CRIM1: variants seen among roughly 807,000 people sequenced by gnomAD.
The protein encoded by CRIM1 is cysteine rich transmembrane BMP regulator 1.
CRIM1 carries 32 observed loss-of-function variants against 116.4 expected under a neutral mutation model. The ratio of observed to expected loss-of-function variants is 0.27; its 90% CI spans 0.21 to 0.37. CRIM1 has a LOEUF of 0.37. Among genes scored for constraint, CRIM1 ranks in the 10% least tolerant of loss-of-function variants. The pLI, the probability that CRIM1 is intolerant of heterozygous loss-of-function variation, is 1.00. For missense variants in CRIM1, 1,331 were observed against 1,354.8 expected (o/e 0.98, Z 0.28); for synonymous variants, 590 against 509.2 (o/e 1.16, Z -2.13).
chr2:36,439,214 C>G (rs1235599022), intron 2 of CRIM1, among the ~76,000 whole-genome samples: 1 of 152,214 alleles, frequency 6.6e-6, no homozygotes, highest in African/African-American at 2.4e-5. Context: ...CCCATCTCAT[C>G]TCGTTCTCCA....
In CRIM1 at chr2:36,503,581, T is replaced by C. The variant is rs187040336; in HGVS notation, c.1501+4234T>C. On this transcript the variant is annotated intron_variant, in intron 8 of 16. Transcript: ENST00000280527. The stretch of plus-strand genomic sequence containing the variant: ...CCATCAGCCTGCCTCCAGTTCTTCC[T>C]GCCCTCTAAGGACACTCACACCAAC... Among the ~76,000 whole-genome samples the C allele has an allele frequency of 4.9e-3, 688 of 140,564 alleles. 5 individuals carry two copies. Among genetic ancestry groups the C allele is most frequent in the Non-Finnish European group, 8.0e-3 (518 of 64,928 alleles). 92.2% of individuals were successfully genotyped at this position (140,564 alleles called of 152,430 possible). A position where few individuals can be genotyped will look rare whatever the true frequency, so the allele number is the denominator to read the frequency against.
Position 36,359,839 on chromosome 2 carries a change from T to C in CRIM1, c.331+3216T>C, listed in dbSNP as rs116531037. Among the ~76,000 whole-genome samples the C allele has an allele frequency of 2.4e-3, 364 of 152,318 alleles. 3 individuals carry two copies. Among genetic ancestry groups the C allele is most frequent in the African/African-American group, 8.3e-3 (343 of 41,552 alleles). On this transcript the variant is annotated intron_variant, in intron 1 of 16. Coordinates refer to ENST00000280527, the MANE Select transcript of CRIM1 (RefSeq NM_016441.3). The stretch of plus-strand genomic sequence containing the variant: ...TTCTGTCAGTCTAGAAAGTGCTTTT[T>C]GGAACTTAGGAGAGTGCAGGTCTTT...
Position 36,513,566 on chromosome 2 carries a change from T to C in CRIM1, c.1791T>C (p.Ala597=), listed in dbSNP as rs138250886. Residue 597 remains alanine, a synonymous_variant, in exon 11 of 17, where the codon GCT becomes GCC. Transcript: ENST00000280527. ...CTTTTGTCTGTCCAGAGGCCTCTGC[T>C]TCAGCTGGGCCACCCATCCTGTCGG... The part of the protein sequence containing the change: ...CLICKCREAS[A]SAGPPILSGT... The C allele has an allele frequency of 9.0e-4, 1,450 of 1,614,138 alleles. 16 individuals carry two copies. Among genetic ancestry groups the C allele is most frequent in the Non-Finnish European group, 3.6e-4 (420 of 1,180,000 alleles).
intron 13 of CRIM1, among the ~76,000 whole-genome samples, chr2:36,528,660 C>T (rs1040875800): frequency 2.0e-5 from 3 of 152,144 alleles, no homozygotes; most frequent in Non-Finnish European, 2.9e-5. Flanking sequence ...TGGACCTACA[C>T]GGAGGCCCAG....
At chr2:36,533,832 A>C (rs1666286540) in intron 13 of CRIM1, among the ~76,000 whole-genome samples, 2 of 152,118 alleles carry the variant, frequency 1.3e-5, no homozygotes, top group African/African-American at 2.4e-5. Context: ...CATTCAGAAA[A>C]CACCACACAT....
intron 13 of CRIM1, among the ~76,000 whole-genome samples, chr2:36,532,901 C>T (rs566228010): frequency 2.0e-5 from 3 of 152,144 alleles, no homozygotes; most frequent in Admixed American, 6.5e-5. Flanking sequence ...GTGGAAGTTA[C>T]GATTATTATT....
intron 2 of CRIM1, among the ~76,000 whole-genome samples, chr2:36,424,657 C>T (rs550335675): frequency 6.6e-6 from 1 of 152,154 alleles, no homozygotes; most frequent in Non-Finnish European, 1.5e-5. Context: ...TGCTTTAAAT[C>T]GTATTTGTAT....
intron 4 of CRIM1, among the ~76,000 whole-genome samples, chr2:36,450,364 G>C (rs914461645): frequency 6.6e-6 from 1 of 152,262 alleles, no homozygotes; most frequent in Non-Finnish European, 1.5e-5. Flanking sequence ...GATTGTGTGT[G>C]TGTCTTCTCT....
In CRIM1 at chr2:36,479,713, A is replaced by G. The variant is rs746382442; in HGVS notation, c.1372+19A>G. 6 of 1,609,318 alleles carry G rather than the reference A, an allele frequency of 3.7e-6. No homozygotes were observed. The highest frequency in any genetic ancestry group is 1.3e-5 in the African/African-American group (1 of 74,832). On this transcript the variant is annotated intron_variant, in intron 7 of 16. Transcript: ENST00000280527. The stretch of plus-strand genomic sequence containing the variant: ...TGCGAAGGTAAATCTTGCAGATGCT[A>G]ATGAGTCCCTGGTGAATGTCTTCTG...
chr2:36,377,798 T>A (rs765637546), intron 1 of CRIM1, among the ~76,000 whole-genome samples: 36 of 152,220 alleles, frequency 2.4e-4, no homozygotes, highest in Non-Finnish European at 3.4e-4. Context: ...TATCATAAAA[T>A]AAGAGTTATA....
At chr2:36,535,341 A>AGT (rs1438920318) in intron 13 of CRIM1, among the ~76,000 whole-genome samples, 1 of 152,232 alleles carries the variant, frequency 6.6e-6, no homozygotes, top group Non-Finnish European at 1.5e-5. Context: ...TGGATACCTT[A>AGT]GTGAAGTCGC....
At chr2:36,480,667 C>G (rs2125048736) in intron 7 of CRIM1, among the ~76,000 whole-genome samples, 2 of 152,238 alleles carry the variant, frequency 1.3e-5, no homozygotes, top group South Asian at 4.2e-4. Flanking sequence ...GCTTCATCAG[C>G]CTCTGAGGGG....
chr2:36,424,850 T>C (rs1674332977), intron 2 of CRIM1, among the ~76,000 whole-genome samples: 1 of 152,194 alleles, frequency 6.6e-6, no homozygotes, highest in Non-Finnish European at 1.5e-5. Context: ...TAAATTATCA[T>C]ATGTACCCAC....
At chr2:36,436,596 G>A (rs1302839208) in intron 2 of CRIM1, among the ~76,000 whole-genome samples, 1 of 152,156 alleles carries the variant, frequency 6.6e-6, no homozygotes, top group African/African-American at 2.4e-5. Flanking sequence ...TAATCAGAAT[G>A]TCATAATTAA....
At chr2:36,475,497 T>G (rs1678900326) in intron 5 of CRIM1, among the ~76,000 whole-genome samples, 1 of 152,230 alleles carries the variant, frequency 6.6e-6, no homozygotes, top group Admixed American at 6.5e-5. Flanking sequence ...TTAAAACTGT[T>G]TACATACAAG....
At position 36,546,091 on chromosome 2, in the gene CRIM1, A is replaced by C. The variant is rs547323559; in HGVS notation, c.2747-893A>C. Among the ~76,000 whole-genome samples the C allele has an allele frequency of 2.0e-4, 30 of 152,320 alleles. 2 individuals are homozygous for C. In the South Asian group the frequency reaches 4.3e-3, roughly 22 times the overall value. The stretch of plus-strand genomic sequence containing the variant: ...ACATACCACAAAGCTCTGTCACTTC[A>C]TGAGCTGAATTTCCAGAACAATTTA... On this transcript the variant is annotated intron_variant, in intron 15 of 16. Coordinates refer to ENST00000280527, the MANE Select transcript of CRIM1 (RefSeq NM_016441.3).
At position 36,550,039 on chromosome 2, in the gene CRIM1, G is replaced by GTATA. The variant is rs200946542; in HGVS notation, c.*1341_*1342insATAT. On this transcript the variant is annotated 3_prime_UTR_variant, in exon 17 of 17. Transcript: ENST00000280527. Reference sequence around the variant, plus strand: ...TGGAAAGATGTGTGTGTGAGAGTATGTATGTGTGTGTGTGTGTGTGTGTGT... The same window carrying GTATA: ...TGGAAAGATGTGTGTGTGAGAGTATGTATATATGTGTGTGTGTGTGTGTGTGTGT... The GTATA allele has an allele frequency of 2.1e-5, 3 of 145,242 alleles. No homozygotes were observed. Among genetic ancestry groups the GTATA allele is most frequent in the African/African-American group, 8.1e-5 (3 of 37,002 alleles). The allele number at this position is 145,242 out of a possible 1,614,324, so 9.0% of individuals were successfully genotyped here. A position where few individuals can be genotyped will look rare whatever the true frequency, so the allele number is the denominator to read the frequency against.
intron 15 of CRIM1, among the ~76,000 whole-genome samples, chr2:36,544,726 C>CA (rs1490196554): frequency 5.9e-5 from 9 of 152,278 alleles, no homozygotes; most frequent in South Asian, 4.1e-4. Flanking sequence ...CCTCTGTGCT[C>CA]AGAGACTTTG....
chr2:36,543,253 G>A (rs531794807), intron 14 of CRIM1, among the ~76,000 whole-genome samples: 1 of 152,088 alleles, frequency 6.6e-6, no homozygotes, highest in African/African-American at 2.4e-5. Flanking sequence ...TCCCTGGCTG[G>A]GTACCCAGTT....
Sources: gnomAD v4.1 joint callset for allele counts (sites outside exome capture counted in the v4.1 genomes callset) on GRCh38, gnomAD v4.1.1 for gene constraint, MANE v1.5 for transcripts, NCBI Gene and HGNC (gene_info 2026-07-23, HGNC 2026-07-21) for gene names.